The following IRF7 variants were observed in gnomAD, a reference collection of about 807,000 sequenced individuals.
IRF7 encodes the protein interferon regulatory factor-7H.
In IRF7, 67 loss-of-function variants were observed where a neutral mutation model predicts 51.3. The observed-to-expected ratio is 1.31, with a 90% CI of 1.07 to 1.60. IRF7 has a LOEUF of 1.60. IRF7 is among the 40% of genes most tolerant of loss of function. The pLI is 0.00. For missense variants in IRF7, 873 were observed against 701.5 expected, an observed-to-expected ratio of 1.24 and a Z score of -2.76; for synonymous variants, 427 against 301.3, an observed-to-expected ratio of 1.42 and a Z score of -4.32.
At position 614,791 on chromosome 11, in the gene IRF7, G is replaced by A. The variant is rs1039580826; in HGVS notation, c.394+6C>T. On this transcript the variant is annotated splice_donor_region_variant and intron_variant, in intron 4 of 10. Transcript: ENST00000525445. ...GCCAACGCCCTTGGCAGCCGGCGTC[G>A]CTCACCTCGCCAGCACAGCTCCCGG... The A allele has an allele frequency of 6.5e-7, 1 of 1,532,698 alleles. No individual in the cohort carries two copies. Among genetic ancestry groups the A allele is most frequent in the South Asian group, 1.2e-5 (1 of 82,766 alleles). The allele number at this position is 1,532,698 out of a possible 1,614,324, so 94.9% of individuals were successfully genotyped here.
rs1258478100 is a variant in IRF7, at chr11:614,364, A to ATG, written c.487_488dup (p.Ala164MetfsTer35). 8 of 1,609,524 alleles carry ATG rather than the reference A, an allele frequency of 5.0e-6. No individual in the cohort carries two copies. Among genetic ancestry groups the ATG allele is most frequent in the Non-Finnish European group, 6.8e-6 (8 of 1,178,840 alleles). On this transcript the variant is annotated frameshift_variant, in exon 6 of 11. Transcript: ENST00000525445. LOFTEE classifies it high-confidence loss of function. ...GGGGGCCTGGGGCTTGGAGTCCAGCATGTGTGTGTGCCAGGAATGGCCCTG... is the reference window on the plus strand; with the variant it reads ...GGGGGCCTGGGGCTTGGAGTCCAGCATGTGTGTGTGTGCCAGGAATGGCCCTG...
rs759300160 is a variant in IRF7, at chr11:613,333, G to C, written c.1110C>G (p.Arg370=). ...CCCAGTACACCTTGCACTTGCCCATGCGCCGGGCCCACAGCTGTGGCCCCC... is the reference window on the plus strand; with the variant it reads ...CCCAGTACACCTTGCACTTGCCCATCCGCCGGGCCCACAGCTGTGGCCCCC... The part of the protein sequence containing the change: ...ELRGPQLWAR[R]MGKCKVYWEV... Residue 370 remains arginine, a synonymous_variant, in exon 9 of 11, where the codon CGC becomes CGG. Coordinates refer to ENST00000525445, the MANE Select transcript of IRF7 (RefSeq NM_001572.5). The C allele has an allele frequency of 1.9e-6, 3 of 1,611,722 alleles. No homozygotes were observed. The highest frequency in any genetic ancestry group is 3.3e-5 in the Admixed American group (2 of 59,880).
At position 614,571 on chromosome 11, in the gene IRF7, C is replaced by T. The variant is rs1253591047; in HGVS notation, c.395-37G>A. The T allele has an allele frequency of 1.3e-6, 2 of 1,548,586 alleles. No individual in the cohort carries two copies. Among genetic ancestry groups the T allele is most frequent in the African/African-American group, 2.7e-5 (2 of 72,996 alleles). ...TGGGGCAGGCGTTAGGCCCCGACAC[C>T]AGAGTGAGAGATACAAGGAGAGCCT... is the stretch of plus-strand genomic sequence containing the variant. On this transcript the variant is annotated intron_variant, in intron 4 of 10. Transcript: ENST00000525445.
rs1418654473 is a variant in IRF7, at chr11:615,510, AGCCACCGAC to A, written c.-155_-147del. On this transcript the variant is annotated 5_prime_UTR_variant, in exon 2 of 11. Coordinates refer to ENST00000525445, the MANE Select transcript of IRF7 (RefSeq NM_001572.5). Reference sequence around the variant, plus strand: ...CCACAGGTGTGGACTGAGGGCTTGTAGCCACCGACGCTGCCTCGGTATGGATCTCTTGGC... The same window carrying A: ...CCACAGGTGTGGACTGAGGGCTTGTAGCTGCCTCGGTATGGATCTCTTGGC... The A allele has an allele frequency of 4.5e-6, 4 of 882,050 alleles. No homozygotes were observed. In the Admixed American group the frequency reaches 1.3e-4, roughly 28 times the overall value. The allele number at this position is 882,050 out of a possible 1,614,324, so 54.6% of individuals were successfully genotyped here.
Position 615,451 on chromosome 11 carries a change from G to A in IRF7, c.-87C>T, listed in dbSNP as rs1263845883. On this transcript the variant is annotated 5_prime_UTR_variant, in exon 2 of 11. Transcript: ENST00000525445. The stretch of plus-strand genomic sequence containing the variant: ...CCTGTCGCAGCAGACGCCAGGCCGC[G>A]GCCACAGGTCGTGTGGCCAGGTGTC... 1.7e-5 allele frequency: 24 copies of A among 1,410,278 alleles called. No homozygotes were observed. The highest frequency in any genetic ancestry group is 2.2e-5 in the Non-Finnish European group (24 of 1,074,206). The allele number at this position is 1,410,278 out of a possible 1,614,324, so 87.4% of individuals were successfully genotyped here.
chr11:614,135 C>A (rs552069598), intron 6 of IRF7, 39 bp downstream of exon 6: 12 of 1,592,554 alleles, frequency 7.5e-6, no homozygotes, highest in East Asian at 4.5e-5. Context: ...GGTGCACTGG[C>A]CCCTCCCGCG....
At chr11:613,144 C>T (rs189985591) in intron 9 of IRF7, 27 bp from the exon 10 acceptor site, 1 of 1,608,508 alleles carries the variant, frequency 6.2e-7, no homozygotes, top group Admixed American at 1.7e-5. Context: ...TGCTGAGTAC[C>T]TGGCAGGCAG....
rs1856572049 is a variant in IRF7 at position 613,489 on chromosome 11, G to A, written c.954C>T (p.Asp318=). Residue 318 remains aspartate (D), a synonymous_variant, in exon 9 of 11, where the codon GAC becomes GAT. Coordinates refer to ENST00000525445, the MANE Select transcript of IRF7 (RefSeq NM_001572.5). ...GGGGGTCTGTGGCCCGGACAGCTGG[G>A]TCTGGGGGGCCGTATAGGAACGTGC... The part of the protein sequence containing the change: ...PSCTFLYGPP[D]PAVRATDPQQ... 6.5e-7 allele frequency: 1 copy of A among 1,543,562 alleles called. No individual in the cohort carries two copies. Among genetic ancestry groups the A allele is most frequent in the African/African-American group, 1.4e-5 (1 of 72,754 alleles).
chr11:614,772 G>A (rs1313781925), intron 4 of IRF7, 25 bp downstream of exon 4: 11 of 1,523,422 alleles, frequency 7.2e-6, no homozygotes, highest in Non-Finnish European at 9.7e-6. Context: ...GAATGCCAAC[G>A]CCCTTGGCAG....
chr11:613,181 C>A (rs773863600), intron 9 of IRF7, 25 bp downstream of exon 9: 1 of 1,593,208 alleles, frequency 6.3e-7, no homozygotes, highest in Non-Finnish European at 8.6e-7. Flanking sequence ...CTGGAGACAG[C>A]CCCCCAGGCA....
In IRF7 at chr11:614,963, T is replaced by A. The variant is rs1401294255; in HGVS notation, c.228A>T (p.Gly76=). 6.4e-7 allele frequency: 1 copy of A among 1,557,192 alleles called. No individual in the cohort carries two copies. Among genetic ancestry groups the A allele is most frequent in the Non-Finnish European group, 8.7e-7 (1 of 1,155,740 alleles). Residue 76 remains glycine (G), a synonymous_variant, in exon 4 of 11, where the codon GGA becomes GGT. Coordinates refer to ENST00000525445, the MANE Select transcript of IRF7 (RefSeq NM_001572.5). ...TCTCAGCCTCGGGGGGCGGGCCACC[T>A]CCCCTGCTGCTAGGCGGCCACCTGC... ...ARGRWPPSSR[G]GGPPPEAETA...
rs911183231 is a variant in IRF7 at position 615,417 on chromosome 11, G to A, written c.-53C>T. 1.4e-6 allele frequency: 2 copies of A among 1,462,270 alleles called. No homozygotes were observed. Among genetic ancestry groups the A allele is most frequent in the African/African-American group, 2.8e-5 (2 of 70,672 alleles). 90.6% of individuals were successfully genotyped at this position (1,462,270 alleles called of 1,614,324 possible). ...GCGGTCAGGTGTTATAACAGGGGAG[G>A]TAAGGGCTCCTGTCGCAGCAGACGC... is the stretch of plus-strand genomic sequence containing the variant. On this transcript the variant is annotated 5_prime_UTR_variant, in exon 2 of 11. Coordinates refer to ENST00000525445, the MANE Select transcript of IRF7 (RefSeq NM_001572.5).
intron 10 of IRF7, 69 bp downstream of exon 10, chr11:612,930 C>T: frequency 6.3e-7 from 1 of 1,589,404 alleles, no homozygotes. Context: ...CTCCGAGGCT[C>T]TGAGGGCATC....
rs572572807 is a variant in IRF7, at chr11:613,284, C to T, written c.1159G>A (p.Ala387Thr). Reference sequence around the variant, plus strand: ...AGGCAGGCTGGGGTGGAGGGGCTGGCGGAGCCTGGGGGTCCGCCCACCTCC... The same window carrying T: ...AGGCAGGCTGGGGTGGAGGGGCTGGTGGAGCCTGGGGGTCCGCCCACCTCC... ...YWEVGGPPGS[A>T]SPSTPACLLP... Residue 387 changes from alanine to threonine, a missense_variant, in exon 9 of 11, where the codon GCC (alanine) becomes ACC (threonine). Physicochemically the swap from Ala to Thr is moderately conservative, Grantham distance 58. Transcript: ENST00000525445. The T allele has an allele frequency of 2.2e-5, 35 of 1,606,304 alleles. No individual in the cohort carries two copies. In the African/African-American group the frequency reaches 2.4e-4, roughly 11 times the overall value.
chr11:615,361 C>G lies in IRF7; in HGVS notation c.4G>C (p.Ala2Pro). 1.3e-6 allele frequency: 2 copies of G among 1,509,318 alleles called. No individual in the cohort carries two copies. Among genetic ancestry groups the G allele is most frequent in the Non-Finnish European group, 8.8e-7 (1 of 1,134,362 alleles). The allele number at this position is 1,509,318 out of a possible 1,614,324, so 93.5% of individuals were successfully genotyped here. ...GGCTCTTACCTCTCAGGAGCCAAGG[C>G]CATTGCTCCTTCTGCAGGGGCAGTT... is the stretch of plus-strand genomic sequence containing the variant. The part of the protein sequence containing the change: M[A>P]LAPERAAPRV... The change falls in exon 2 of 11, where the codon GCC (alanine) becomes CCC (proline). Residue 2 changes from alanine (A) to proline (P), a missense_variant. By Grantham distance (27) the Ala-to-Pro change is conservative. Transcript: ENST00000525445.
In IRF7 at chr11:615,279, G is replaced by A. The variant is rs1856776380; in HGVS notation, c.21-20C>T. 6.3e-6 allele frequency: 10 copies of A among 1,580,404 alleles called. No homozygotes were observed. Among genetic ancestry groups the A allele is most frequent in the Admixed American group, 1.7e-5 (1 of 57,486 alleles). ...GCTGCCCTGCGGGTGCCCGGCCGCGGAGAGTCAGGGCCGGCTGCAGGGCGC... is the reference window on the plus strand; with the variant it reads ...GCTGCCCTGCGGGTGCCCGGCCGCGAAGAGTCAGGGCCGGCTGCAGGGCGC... On this transcript the variant is annotated intron_variant, in intron 2 of 10. Transcript: ENST00000525445.
intron 10 of IRF7, 93 bp downstream of exon 10, chr11:612,906 C>A: frequency 6.3e-7 from 1 of 1,582,716 alleles, no homozygotes; most frequent in Non-Finnish European, 8.6e-7. Context: ...CGGTGTATGG[C>A]CTCCCCTCCC....
chr11:614,552 A>G lies in IRF7; in HGVS notation c.395-18T>C, dbSNP rs755828194. ...TGGGCCTTCTGAGAGAGAATGGGGC[A>G]GGCGTTAGGCCCCGACACCAGAGTG... On this transcript the variant is annotated intron_variant, in intron 4 of 10. Transcript: ENST00000525445. 9 of 1,550,924 alleles carry G rather than the reference A, an allele frequency of 5.8e-6. No individual in the cohort carries two copies. Among genetic ancestry groups the G allele is most frequent in the Non-Finnish European group, 7.8e-6 (9 of 1,147,010 alleles).
intron 10 of IRF7, 55 bp from the exon 11 acceptor site, chr11:612,855 C>G: frequency 6.3e-7 from 1 of 1,592,460 alleles, no homozygotes; most frequent in Non-Finnish European, 8.6e-7. Flanking sequence ...CTCCCCTCCC[C>G]CTCCCCAGGC....
Sources: allele counts gnomAD v4.1 joint callset, GRCh38; gene constraint gnomAD v4.1.1; transcripts MANE v1.5; gene names NCBI Gene and HGNC (gene_info 2026-07-23, HGNC 2026-07-21).